The following OR2T4 variants were observed in gnomAD, a reference collection of about 807,000 sequenced individuals.
OR2T4 encodes olfactory receptor family 2 subfamily T member 4.
For synonymous variants in OR2T4, 149 were observed against 145.6 expected, an observed-to-expected ratio of 1.02 and a Z score of -0.17; for missense variants, 374 against 395.6, an observed-to-expected ratio of 0.95 and a Z score of 0.46.
rs760222955 is a variant in OR2T4, at chr1:248,362,177, C to T, written c.513C>T (p.Pro171=). The T allele has an allele frequency of 1.1e-5, 18 of 1,614,090 alleles. No homozygotes were observed. The highest frequency in any genetic ancestry group is 1.4e-5 in the Non-Finnish European group (17 of 1,180,044). ...FTFTPITMTF[P]FRGSREIHHF... ...TCACTCCCATCACCATGACCTTCCC[C>T]TTCCGTGGATCCCGGGAGATTCATC... The change falls in exon 1 of 1, where the codon CCC becomes CCT. Residue 171 remains proline, a synonymous_variant. Coordinates refer to ENST00000366473, the MANE Select transcript of OR2T4 (RefSeq NM_001004696.2).
Sources: allele counts gnomAD v4.1 joint callset, GRCh38; gene constraint gnomAD v4.1.1; transcripts MANE v1.5; gene names NCBI Gene and HGNC (gene_info 2026-07-23, HGNC 2026-07-21).